ASH1L: variants seen among roughly 807,000 people sequenced by gnomAD.
ASH1L encodes ASH1 like histone lysine methyltransferase.
Under a neutral mutation model 269.0 loss-of-function variants are expected in ASH1L, and 23 were observed. That is an observed-to-expected ratio of 0.09 (90% CI 0.06 to 0.12). The LOEUF is 0.12. ASH1L is among the 10% of genes least tolerant of loss of function. ASH1L has a pLI of 1.00. For synonymous variants in ASH1L, 1,187 were observed against 1,253.5 expected (o/e 0.95, Z 1.12); for missense variants, 2,912 against 3,567.8 (o/e 0.82, Z 4.68).
At chr1:155,415,184 C>A (rs1170185151) in intron 6 of ASH1L, among the ~76,000 whole-genome samples, 1 of 151,882 alleles carries the variant, frequency 6.6e-6, no homozygotes, top group Non-Finnish European at 1.5e-5. Context: ...GAGATCTAGA[C>A]CATCCTGGCT....
At chr1:155,435,867 A>G (rs1169277017) in intron 5 of ASH1L, among the ~76,000 whole-genome samples, 1 of 152,144 alleles carries the variant, frequency 6.6e-6, no homozygotes, top group Non-Finnish European at 1.5e-5. Flanking sequence ...CATGGCCAAC[A>G]TGGTGAAACC....
intron 5 of ASH1L, among the ~76,000 whole-genome samples, chr1:155,430,451 T>A (rs1661514340): frequency 6.6e-6 from 1 of 152,170 alleles, no homozygotes; most frequent in Non-Finnish European, 1.5e-5. Flanking sequence ...AGTGCTCAGG[T>A]AATTTCTTTT....
rs145101994 is a variant in ASH1L at position 155,415,811 on chromosome 1, G to A, written c.5941C>T (p.Pro1981Ser). The change falls in exon 6 of 28, where the codon CCC becomes TCC. Residue 1981 changes from proline (P) to serine (S), a missense_variant. Transcript: ENST00000392403. Reference protein sequence around the residue: ...VLSLIPREKKPPRPPKKKYQK... With the variant: ...VLSLIPREKKSPRPPKKKYQK... ...TACTTCTTCTTTGGGGGACGTGGGG[G>A]CTTCTTTTCCCTTGGGATGAGAGAA... 3.5e-5 allele frequency: 57 copies of A among 1,613,868 alleles called. No homozygotes were observed. Among genetic ancestry groups the A allele is most frequent in the Non-Finnish European group, 4.3e-5 (51 of 1,180,014 alleles).
At position 155,343,130 on chromosome 1, in the gene ASH1L, G is replaced by A. The variant is rs1054549240; in HGVS notation, c.8293+184C>T. 5 of 569,982 alleles carry A rather than the reference G, an allele frequency of 8.8e-6. No individual in the cohort carries two copies. In the African/African-American group the frequency reaches 9.4e-5, roughly 11 times the overall value. The allele number at this position is 569,982 out of a possible 1,614,324, so 35.3% of individuals were successfully genotyped here. On this transcript the variant is annotated intron_variant, in intron 24 of 27. Coordinates refer to ENST00000392403, the MANE Select transcript of ASH1L (RefSeq NM_018489.3). This position sits in a 1 kb window ranked among gnomAD's most constrained non-coding sequence, Gnocchi z 6.1. ...AGGCTCAGCAATCCTCCCAGTAGTT[G>A]GGACTACAGGCCTACACTGCCATGC...
chr1:155,553,565 C>T (rs1251727130), intron 1 of ASH1L, among the ~76,000 whole-genome samples: 1 of 152,160 alleles, frequency 6.6e-6, no homozygotes, highest in African/African-American at 2.4e-5. Context: ...GATGATCTCC[C>T]TCTACCTAGA....
At chr1:155,401,311 T>C (rs1055387002) in intron 6 of ASH1L, among the ~76,000 whole-genome samples, 4 of 151,672 alleles carry the variant, frequency 2.6e-5, no homozygotes, top group Non-Finnish European at 2.9e-5. Flanking sequence ...ATCCCTTCTC[T>C]ACTAAAAATA....
At chr1:155,495,589 A>AGT (rs1667092557) in intron 2 of ASH1L, among the ~76,000 whole-genome samples, 1 of 152,248 alleles carries the variant, frequency 6.6e-6, no homozygotes, top group Middle Eastern at 3.2e-3. Flanking sequence ...TGGGAAAGTC[A>AGT]GTGAATGCTC....
At position 155,343,884 on chromosome 1, in the gene ASH1L, A is replaced by C; in HGVS notation, c.7982-142T>G. ...ACAGAGAGCTAAAAGCAGCAGTGTTAAGTGATGATAATCAATTCTAGACTA... is the reference window on the plus strand; with the variant it reads ...ACAGAGAGCTAAAAGCAGCAGTGTTCAGTGATGATAATCAATTCTAGACTA... On this transcript the variant is annotated intron_variant, in intron 22 of 27. Coordinates refer to ENST00000392403, the MANE Select transcript of ASH1L (RefSeq NM_018489.3). This position sits in a 1 kb window ranked among gnomAD's most constrained non-coding sequence, Gnocchi z 6.1. 1.0e-6 allele frequency: 1 copy of C among 965,880 alleles called. No individual in the cohort carries two copies. The highest frequency in any genetic ancestry group is 1.8e-5 in the South Asian group (1 of 56,836). The allele number at this position is 965,880 out of a possible 1,614,324, so 59.8% of individuals were successfully genotyped here. A position where few individuals can be genotyped will look rare whatever the true frequency, so the allele number is the denominator to read the frequency against.
intron 4 of ASH1L, among the ~76,000 whole-genome samples, chr1:155,455,979 T>C (rs1396099610): frequency 1.3e-5 from 2 of 152,134 alleles, no homozygotes; most frequent in Non-Finnish European, 2.9e-5. Context: ...GGTTCCAACT[T>C]TATGCATATG....
At chr1:155,461,802 GTTT>G (rs398053426) in intron 3 of ASH1L, among the ~76,000 whole-genome samples, 16 of 127,096 alleles carry the variant, frequency 1.3e-4, no homozygotes, top group Non-Finnish European at 2.0e-4. Flanking sequence ...GGGTTTGAGG[GTTT>G]TTTTTTTTTT....
intron 1 of ASH1L, among the ~76,000 whole-genome samples, chr1:155,550,039 G>C (rs1468666478): frequency 1.4e-5 from 2 of 144,026 alleles, no homozygotes; most frequent in Non-Finnish European, 3.0e-5. Context: ...TTTTTTTTTT[G>C]AGACAGAGTC....
At chr1:155,362,950 A>C (rs1432392302) in intron 12 of ASH1L, among the ~76,000 whole-genome samples, 1 of 152,032 alleles carries the variant, frequency 6.6e-6, no homozygotes, top group Non-Finnish European at 1.5e-5. Flanking sequence ...GTATTTTTCC[A>C]TCCTGAATTC....
intron 26 of ASH1L, among the ~76,000 whole-genome samples, 159 bp downstream of exon 26, chr1:155,339,169 G>T (rs1439611602): frequency 6.6e-6 from 1 of 152,188 alleles, no homozygotes; most frequent in Non-Finnish European, 1.5e-5. Context: ...CACATCTACT[G>T]AAATTTAGTT....
At chr1:155,548,778 C>A (rs896561458) in intron 1 of ASH1L, among the ~76,000 whole-genome samples, 4 of 152,210 alleles carry the variant, frequency 2.6e-5, no homozygotes, top group African/African-American at 9.6e-5. Flanking sequence ...TCATCAAGTT[C>A]TTTGGCTCTA....
rs1198775988 is a variant in ASH1L, at chr1:155,480,963, G to A, written c.1907C>T (p.Ser636Leu). ...CKGIDKEVND[S>L]KTTHIDIPRI... is the part of the protein sequence containing the mutation. ...TGGAATATCTATATGGGTAGTTTTT[G>A]AATCATTTACCTCTTTATCAATCCC... The change falls in exon 3 of 28, where the codon TCA (serine) becomes TTA (leucine). Residue 636 changes from serine to leucine, a missense_variant. Physicochemically the swap from Ser to Leu is moderately radical, Grantham distance 145. Transcript: ENST00000392403. 2 of 1,613,936 alleles carry A rather than the reference G, an allele frequency of 1.2e-6. No individual in the cohort carries two copies. The highest frequency in any genetic ancestry group is 1.7e-6 in the Non-Finnish European group (2 of 1,179,942).
intron 10 of ASH1L, among the ~76,000 whole-genome samples, chr1:155,375,319 T>C (rs1656340347): frequency 6.6e-6 from 1 of 152,204 alleles, no homozygotes; most frequent in African/African-American, 2.4e-5. Context: ...CCCATTTGTT[T>C]TGACAACCAG....
At chr1:155,399,653 C>A (rs1399246348) in intron 6 of ASH1L, among the ~76,000 whole-genome samples, 3 of 151,284 alleles carry the variant, frequency 2.0e-5, no homozygotes, top group Non-Finnish European at 4.4e-5. Context: ...ACCCCCACCC[C>A]CCAAAAAAAA....
At chr1:155,540,180 A>G (rs1223986865) in intron 1 of ASH1L, among the ~76,000 whole-genome samples, 1 of 152,170 alleles carries the variant, frequency 6.6e-6, no homozygotes, top group African/African-American at 2.4e-5. Flanking sequence ...TGCAACTTAC[A>G]ATCTGCAGCA....
rs1654542730 is a variant in ASH1L, at chr1:155,357,747, T to C, written c.6798A>G (p.Gln2266=). 1.2e-6 allele frequency: 2 copies of C among 1,608,728 alleles called. No individual in the cohort carries two copies. Among genetic ancestry groups the C allele is most frequent in the Non-Finnish European group, 1.7e-6 (2 of 1,178,812 alleles). Residue 2266 remains glutamine (Q), a splice_region_variant and synonymous_variant, in exon 14 of 28, where the codon CAA becomes CAG. Coordinates refer to ENST00000392403, the MANE Select transcript of ASH1L (RefSeq NM_018489.3). ...NFHSFNVEKQ[Q]LCKCGFEKCR... ...ATTTCTCAAAGCCACACTTACAAAG[T>C]TGCTTTGAAGGGAGAGAATAATTTT...
Sources: allele counts gnomAD v4.1 joint callset (sites outside exome capture counted in the v4.1 genomes callset), GRCh38; gene constraint gnomAD v4.1.1; non-coding constraint Gnocchi (gnomAD v3.1); transcripts MANE v1.5; gene names NCBI Gene and HGNC (gene_info 2026-07-23, HGNC 2026-07-21).